ARHGEF28: variants seen among roughly 807,000 people sequenced by gnomAD.
ARHGEF28 encodes 190 kDa guanine nucleotide exchange factor.
ARHGEF28 carries 152 observed loss-of-function variants against 206.6 expected under a neutral mutation model. The ratio of observed to expected loss-of-function variants is 0.74; its 90% CI spans 0.64 to 0.84. The LOEUF is 0.84. ARHGEF28 is among the 40% of genes least tolerant of loss of function. The probability of loss-of-function intolerance (pLI) is 0.00; values close to 1 mark genes in which losing one functional copy is unlikely to be tolerated. For synonymous variants in ARHGEF28, 763 were observed against 776.4 expected (o/e 0.98, Z 0.29); for missense variants, 2,028 against 2,073.2 (o/e 0.98, Z 0.42).
At chr5:73,700,526 G>A (rs1173092510) in intron 2 of ARHGEF28, among the ~76,000 whole-genome samples, 1 of 152,142 alleles carries the variant, frequency 6.6e-6, no homozygotes, top group African/African-American at 2.4e-5. Context: ...GTACAAAGTT[G>A]CAATTATAGA....
At chr5:73,855,486 C>T (rs559392682) in intron 14 of ARHGEF28, among the ~76,000 whole-genome samples, 2 of 152,232 alleles carry the variant, frequency 1.3e-5, no homozygotes, top group South Asian at 4.1e-4. Flanking sequence ...AATCCCAGCA[C>T]TTTGGGAGGC....
At chr5:73,642,992 G>A (rs958566554) in intron 1 of ARHGEF28, among the ~76,000 whole-genome samples, 1 of 152,186 alleles carries the variant, frequency 6.6e-6, no homozygotes, top group Non-Finnish European at 1.5e-5. Context: ...GTCCATGACA[G>A]CTCCCAGTTA....
At chr5:73,892,546 G>A (rs1279994928) in intron 27 of ARHGEF28, among the ~76,000 whole-genome samples, 1 of 152,100 alleles carries the variant, frequency 6.6e-6, no homozygotes, top group East Asian at 1.9e-4. Context: ...GCTCACTAAA[G>A]CATTTACTTG....
intron 27 of ARHGEF28, among the ~76,000 whole-genome samples, chr5:73,892,602 A>G (rs1449721174): frequency 7.9e-5 from 12 of 151,872 alleles, no homozygotes; most frequent in Admixed American, 6.6e-4. Flanking sequence ...TTTTATGTAC[A>G]TATGTGTGTG....
intron 2 of ARHGEF28, among the ~76,000 whole-genome samples, chr5:73,743,577 A>G (rs1326720397): frequency 6.6e-6 from 1 of 152,234 alleles, no homozygotes; most frequent in East Asian, 1.9e-4. Context: ...ACCAATTTGT[A>G]TTTACGTGAA....
chr5:73,630,016 C>T (rs1200296842), intron 1 of ARHGEF28, among the ~76,000 whole-genome samples: 1 of 152,162 alleles, frequency 6.6e-6, no homozygotes, highest in Non-Finnish European at 1.5e-5. Flanking sequence ...CTTTCCAAAG[C>T]CAGCAGGCAA....
At chr5:73,930,599 T>C (rs1764056886) in intron 35 of ARHGEF28, among the ~76,000 whole-genome samples, 1 of 152,210 alleles carries the variant, frequency 6.6e-6, no homozygotes, top group South Asian at 2.1e-4. Context: ...AGAACTAAGC[T>C]CTTTCTAGGT....
intron 14 of ARHGEF28, among the ~76,000 whole-genome samples, chr5:73,856,547 A>C (rs1759052116): frequency 6.6e-6 from 1 of 152,106 alleles, no homozygotes; most frequent in Non-Finnish European, 1.5e-5. Context: ...TTAAAGTTTT[A>C]TTATAATATG....
intron 4 of ARHGEF28, among the ~76,000 whole-genome samples, chr5:73,762,165 C>G (rs574126645): frequency 8.6e-5 from 13 of 151,840 alleles, no homozygotes; most frequent in African/African-American, 3.1e-4. Context: ...TTAAAAAAAT[C>G]TATTTTGAGG....
At chr5:73,913,786 C>T (rs1763051580) in intron 35 of ARHGEF28, among the ~76,000 whole-genome samples, 1 of 152,136 alleles carries the variant, frequency 6.6e-6, no homozygotes, top group Admixed American at 6.5e-5. Flanking sequence ...ACATAATTTG[C>T]CTATAATGTT....
intron 14 of ARHGEF28, among the ~76,000 whole-genome samples, chr5:73,856,571 T>C (rs1759054525): frequency 6.6e-6 from 1 of 152,078 alleles, no homozygotes; most frequent in African/African-American, 2.4e-5. Context: ...CATATTAAAG[T>C]GTGGAAGGGG....
At chr5:73,794,095 T>A (rs1418549818) in intron 7 of ARHGEF28, among the ~76,000 whole-genome samples, 1 of 152,244 alleles carries the variant, frequency 6.6e-6, no homozygotes, top group East Asian at 1.9e-4. Flanking sequence ...CTTGCGGTAG[T>A]GAGCAGCCTT....
chr5:73,779,887 G>T (rs1753734972), intron 6 of ARHGEF28, among the ~76,000 whole-genome samples: 1 of 152,150 alleles, frequency 6.6e-6, no homozygotes, highest in Non-Finnish European at 1.5e-5. Flanking sequence ...GCAGGGCATT[G>T]TTCCTAAGTA....
intron 18 of ARHGEF28, among the ~76,000 whole-genome samples, chr5:73,866,956 G>A (rs768092934): frequency 6.6e-6 from 1 of 152,260 alleles, no homozygotes; most frequent in East Asian, 1.9e-4. Context: ...ACATGCTATT[G>A]GGTGTAATGT....
At chr5:73,718,852 G>T (rs566306785) in intron 2 of ARHGEF28, among the ~76,000 whole-genome samples, 2 of 152,120 alleles carry the variant, frequency 1.3e-5, no homozygotes, top group Admixed American at 6.5e-5. Context: ...CATCCACACC[G>T]CACTAGAACT....
intron 1 of ARHGEF28, among the ~76,000 whole-genome samples, chr5:73,640,671 G>T (rs902630669): frequency 6.6e-6 from 1 of 152,166 alleles, no homozygotes; most frequent in African/African-American, 2.4e-5. Flanking sequence ...TAATTTAGAT[G>T]AGTGTTTTGC....
At chr5:73,817,141 T>C (rs934428864) in intron 9 of ARHGEF28, among the ~76,000 whole-genome samples, 48 of 152,224 alleles carry the variant, frequency 3.2e-4, no homozygotes, top group African/African-American at 1.1e-3. Flanking sequence ...GAAATGTTTA[T>C]TCCTTTATGC....
chr5:73,772,002 G>GT (rs1304117775), intron 4 of ARHGEF28, among the ~76,000 whole-genome samples: 1 of 152,106 alleles, frequency 6.6e-6, no homozygotes, highest in Non-Finnish European at 1.5e-5. Flanking sequence ...GATTGATAGA[G>GT]TAAATATACT....
At chr5:73,741,385 G>GTGTA (rs1561371055) in intron 2 of ARHGEF28, among the ~76,000 whole-genome samples, 1 of 21,854 alleles carries the variant, frequency 4.6e-5, no homozygotes, top group African/African-American at 2.5e-4. Context: ...GTGTGTGTGT[G>GTGTA]TATATATATA....
Sources: gnomAD v4.1 joint callset for allele counts (sites outside exome capture counted in the v4.1 genomes callset) on GRCh38, gnomAD v4.1.1 for gene constraint, MANE v1.5 for transcripts, NCBI Gene and HGNC (gene_info 2026-07-23, HGNC 2026-07-21) for gene names.